Variants in LTBP1 observed in about 807,000 individuals in gnomAD.
LTBP1 encodes the protein latent transforming growth factor beta binding protein 1, also known as latent-transforming growth factor beta-binding protein 1.
LTBP1 carries 129 observed loss-of-function variants against 207.6 expected under a neutral mutation model. That is an observed-to-expected ratio of 0.62 (90% CI 0.54 to 0.72). LTBP1 has a LOEUF of 0.72. Ranked by LOEUF, LTBP1 falls within the 30% of genes least tolerant of loss-of-function variation. The pLI is 0.00. For missense variants in LTBP1, 2,281 were observed against 2,217.2 expected (o/e 1.03, Z -0.58); for synonymous variants, 963 against 833.7 (o/e 1.16, Z -2.67).
chr2:33,125,046 C>G (rs2081350681), intron 4 of LTBP1, among the ~76,000 whole-genome samples: 1 of 152,248 alleles, frequency 6.6e-6, no homozygotes, highest in Non-Finnish European at 1.5e-5. Context: ...ATCTCGCATA[C>G]TGCAGAACAC....
rs182152040 is a variant in LTBP1, at chr2:33,301,508, T to C, written c.3359-14T>C. On this transcript the variant is annotated splice_polypyrimidine_tract_variant and intron_variant, in intron 21 of 33. Transcript: ENST00000404816. ...CACCACTTCCACAGTTTCTTTGTATTCTCTTGCTCATAGACATTGATGAAT... is the reference window on the plus strand; with the variant it reads ...CACCACTTCCACAGTTTCTTTGTATCCTCTTGCTCATAGACATTGATGAAT... 6.9e-3 allele frequency: 10,787 copies of C among 1,571,296 alleles called. 42 individuals carry two copies. Among genetic ancestry groups the C allele is most frequent in the Non-Finnish European group, 7.8e-3 (9,018 of 1,162,148 alleles).
chr2:33,014,495 G>C (rs1389262056), intron 2 of LTBP1, among the ~76,000 whole-genome samples: 1 of 152,182 alleles, frequency 6.6e-6, no homozygotes, highest in African/African-American at 2.4e-5. Context: ...CTCACCTGCT[G>C]TCTCTGATCA....
At chr2:33,035,851 C>T (rs1179148556) in intron 3 of LTBP1, among the ~76,000 whole-genome samples, 1 of 152,092 alleles carries the variant, frequency 6.6e-6, no homozygotes, top group Admixed American at 6.5e-5. Flanking sequence ...TAAAAAAACC[C>T]AAACTGTTGT....
chr2:33,060,721 G>A (rs1368648517), intron 3 of LTBP1, among the ~76,000 whole-genome samples: 2 of 151,142 alleles, frequency 1.3e-5, no homozygotes, highest in Admixed American at 1.3e-4. Context: ...GTCTTTAATA[G>A]CAAAGTGACC....
intron 3 of LTBP1, among the ~76,000 whole-genome samples, chr2:33,066,934 A>C (rs1424424966): frequency 6.6e-6 from 1 of 152,218 alleles, no homozygotes; most frequent in East Asian, 1.9e-4. Context: ...TGGGAGGCTG[A>C]GATGAGAGGA....
chr2:33,346,471 G>A (rs1020745921), intron 25 of LTBP1, among the ~76,000 whole-genome samples: 1 of 151,818 alleles, frequency 6.6e-6, no homozygotes, highest in African/African-American at 2.4e-5. Context: ...ATCACTTGAG[G>A]TCAGGAGTTC....
rs199695750 is a variant in LTBP1, at chr2:33,315,277, A to G, written c.3730+8A>G. 2 of 1,609,546 alleles carry G rather than the reference A, an allele frequency of 1.2e-6. No individual in the cohort carries two copies. The highest frequency in any genetic ancestry group is 1.7e-6 in the Non-Finnish European group (2 of 1,179,104). ...ATGGCCGTACGTGTGAAGGTAAGATAAACCATACGAAATCATATTGTTGTG... is the reference window on the plus strand; with the variant it reads ...ATGGCCGTACGTGTGAAGGTAAGATGAACCATACGAAATCATATTGTTGTG... On this transcript the variant is annotated splice_region_variant and intron_variant, in intron 24 of 33. Transcript: ENST00000404816.
intron 19 of LTBP1, among the ~76,000 whole-genome samples, chr2:33,281,564 T>C (rs1214616236): frequency 6.6e-6 from 1 of 152,086 alleles, no homozygotes; most frequent in Non-Finnish European, 1.5e-5. Context: ...GGTGTTTTAA[T>C]GGGGGTTGCA....
chr2:33,178,617 C>G (rs1326486301), intron 5 of LTBP1, among the ~76,000 whole-genome samples: 3 of 152,058 alleles, frequency 2.0e-5, no homozygotes, highest in African/African-American at 7.2e-5. Flanking sequence ...CTTGATATAC[C>G]TGGTATTTGA....
At chr2:33,196,219 A>G (rs971844064) in intron 7 of LTBP1, among the ~76,000 whole-genome samples, 100 of 152,344 alleles carry the variant, frequency 6.6e-4, no homozygotes, top group African/African-American at 2.3e-3. Context: ...ACACACAAGT[A>G]GCACGAACTT....
chr2:33,287,340 C>A (rs894648739), intron 19 of LTBP1, among the ~76,000 whole-genome samples: 2 of 152,200 alleles, frequency 1.3e-5, no homozygotes, highest in Non-Finnish European at 2.9e-5. Flanking sequence ...GACCTCTGAT[C>A]TTTTATCTCT....
chr2:33,205,433 G>A (rs572493020), intron 7 of LTBP1, among the ~76,000 whole-genome samples: 18 of 152,272 alleles, frequency 1.2e-4, no homozygotes, highest in African/African-American at 4.3e-4. Context: ...ATTAGTCTAG[G>A]TTGTGCTTCA....
chr2:33,333,426 C>T (rs2094519726), intron 24 of LTBP1, among the ~76,000 whole-genome samples: 1 of 152,114 alleles, frequency 6.6e-6, no homozygotes, highest in Non-Finnish European at 1.5e-5. Context: ...TATAATAGCT[C>T]AGGCCACACA....
chr2:33,202,911 T>G (rs906370401), intron 7 of LTBP1, among the ~76,000 whole-genome samples: 3 of 152,192 alleles, frequency 2.0e-5, no homozygotes. Context: ...GAGAGCTCAG[T>G]TGGAGTGTGT....
At chr2:32,960,513 T>C (rs1678927498) in intron 2 of LTBP1, among the ~76,000 whole-genome samples, 1 of 152,216 alleles carries the variant, frequency 6.6e-6, no homozygotes, top group Non-Finnish European at 1.5e-5. Flanking sequence ...GACTTTTTCT[T>C]TCTCCCTGCC....
chr2:33,122,135 G>A (rs1379048172), intron 4 of LTBP1, among the ~76,000 whole-genome samples: 1 of 151,738 alleles, frequency 6.6e-6, no homozygotes, highest in Non-Finnish European at 1.5e-5. Flanking sequence ...GACCAATCGA[G>A]TGTGGGTGGA....
chr2:33,383,554 CTCTTTTTT>C (rs1349180827), intron 31 of LTBP1, among the ~76,000 whole-genome samples: 1 of 152,086 alleles, frequency 6.6e-6, no homozygotes, highest in Non-Finnish European at 1.5e-5. Flanking sequence ...GCTTCTTTTT[CTCTTTTTT>C]TTCTTTTCTT....
intron 4 of LTBP1, among the ~76,000 whole-genome samples, chr2:33,119,037 A>G (rs544865723): frequency 1.3e-5 from 2 of 152,312 alleles, no homozygotes; most frequent in South Asian, 2.1e-4. Flanking sequence ...TCACTACCAG[A>G]TAAAGGTTTT....
chr2:33,270,545 G>A (rs889165866), intron 15 of LTBP1, among the ~76,000 whole-genome samples: 7 of 144,232 alleles, frequency 4.9e-5, no homozygotes, highest in Admixed American at 7.2e-5. Flanking sequence ...AGCCGAGATC[G>A]TGCCACTGCA....
Sources: gnomAD v4.1 joint callset for allele counts (sites outside exome capture counted in the v4.1 genomes callset) on GRCh38, gnomAD v4.1.1 for gene constraint, MANE v1.5 for transcripts, NCBI Gene and HGNC (gene_info 2026-07-23, HGNC 2026-07-21) for gene names.